The following MRC2 variants were observed in gnomAD, a reference collection of about 807,000 sequenced individuals.
The protein encoded by MRC2 is mannose receptor C-type 2, also known as C-type mannose receptor 2.
In MRC2, 84 loss-of-function variants were observed where a neutral mutation model predicts 206.2. The observed-to-expected ratio is 0.41, with a 90% CI of 0.34 to 0.49. The LOEUF is 0.49. Among genes scored for constraint, MRC2 ranks in the 20% least tolerant of loss-of-function variants. MRC2 has a pLI of 0.31. For synonymous variants in MRC2, 798 were observed against 800.0 expected, an observed-to-expected ratio of 1.00 and a Z score of 0.04; for missense variants, 1,676 against 2,001.5, an observed-to-expected ratio of 0.84 and a Z score of 3.10.
intron 1 of MRC2, among the ~76,000 whole-genome samples, chr17:62,657,782 C>G (rs2088635367): frequency 6.6e-6 from 1 of 152,198 alleles, no homozygotes; most frequent in Admixed American, 6.5e-5. Flanking sequence ...GACGCCTTTT[C>G]TCTTTCCCCA....
intron 1 of MRC2, among the ~76,000 whole-genome samples, chr17:62,659,152 TA>T (rs2088652038): frequency 6.6e-6 from 1 of 152,086 alleles, no homozygotes; most frequent in African/African-American, 2.4e-5. Flanking sequence ...TGTCTTTTAT[TA>T]GGACGCTCAT....
chr17:62,673,919 C>T (rs1036590304), intron 8 of MRC2, 144 bp from the exon 9 acceptor site: 1 of 670,848 alleles, frequency 1.5e-6, no homozygotes, highest in Non-Finnish European at 2.6e-6. Flanking sequence ...CCCGCCTTCC[C>T]CATTGCACAG....
rs1158358884 is a variant in MRC2, at chr17:62,666,814, GCGGAGGCTGGCAGTGGT to G, written c.922_938del (p.Gly308GlnfsTer12). On this transcript the variant is annotated frameshift_variant, in exon 5 of 30. Transcript: ENST00000303375. LOFTEE classifies it high-confidence loss of function. The surrounding 1 kb of genome is among the most constrained non-coding windows in gnomAD (Gnocchi z 5.0). ...ATCGGCTTGAATGACTTGGACACGA[GCGGAGGCTGGCAGTGGT>G]CGGACAACTCGCCCCTCAAGTACCT... 6.2e-7 allele frequency: 1 copy of G among 1,613,666 alleles called. No homozygotes were observed. Among genetic ancestry groups the G allele is most frequent in the Non-Finnish European group, 8.5e-7 (1 of 1,179,980 alleles).
At chr17:62,656,461 G>A (rs999392624) in intron 1 of MRC2, among the ~76,000 whole-genome samples, 1 of 152,176 alleles carries the variant, frequency 6.6e-6, no homozygotes, top group African/African-American at 2.4e-5. Context: ...CAAAGTGCAG[G>A]GATTACAGGC....
At chr17:62,676,289 G>A (rs2088890693) in intron 10 of MRC2, 94 bp from the exon 11 acceptor site, 4 of 1,506,000 alleles carry the variant, frequency 2.7e-6, no homozygotes, top group East Asian at 2.3e-5. Flanking sequence ...TTGGTCGGGT[G>A]CAGCACCCGA....
At chr17:62,656,015 G>A (rs537800616) in intron 1 of MRC2, among the ~76,000 whole-genome samples, 11 of 152,082 alleles carry the variant, frequency 7.2e-5, no homozygotes, top group South Asian at 6.2e-4. Context: ...TCAGACTCCC[G>A]AGTAGCTGGG....
At position 62,643,701 on chromosome 17, in the gene MRC2, C is replaced by T. The variant is rs181366657; in HGVS notation, c.118+15781C>T. Among the ~76,000 whole-genome samples, 39 of 152,266 alleles carry T rather than the reference C, an allele frequency of 2.6e-4. 1 individual carries two copies. Among genetic ancestry groups the T allele is most frequent in the Admixed American group, 2.0e-3 (30 of 15,298 alleles). ...TCACTAGCAAAACAATTTCACCTCT[C>T]GCAACAGTGCCAGGAAAGATTGATA... On this transcript the variant is annotated intron_variant, in intron 1 of 29. Transcript: ENST00000303375.
rs767743353 is a variant in MRC2 at position 62,664,921 on chromosome 17, G to C, written c.492G>C (p.Glu164Asp). The change falls in exon 2 of 30, where the codon GAG becomes GAC. Residue 164 changes from glutamate to aspartate, a missense_variant. Physicochemically the swap from Glu to Asp is conservative, Grantham distance 45. Transcript: ENST00000303375. This position sits in a 1 kb window ranked among gnomAD's most constrained non-coding sequence, Gnocchi z 4.7. ...GCCAGTGGCGCATCTACGGCAGCGA[G>C]GAGGACCTATGTGCTCTGCCCTACC... Reference protein sequence around the residue: ...RSGQWRIYGSEEDLCALPYHE... With the variant: ...RSGQWRIYGSDEDLCALPYHE... 2.5e-6 allele frequency: 4 copies of C among 1,611,196 alleles called. No homozygotes were observed. The highest frequency in any genetic ancestry group is 3.4e-6 in the Non-Finnish European group (4 of 1,179,724).
chr17:62,675,735 G>A lies in MRC2; in HGVS notation c.1570-55G>A, dbSNP rs2088883006. The A allele has an allele frequency of 1.5e-6, 2 of 1,360,500 alleles. No individual in the cohort carries two copies. Among genetic ancestry groups the A allele is most frequent in the East Asian group, 2.3e-5 (1 of 43,632 alleles). The allele number at this position is 1,360,500 out of a possible 1,614,324, so 84.3% of individuals were successfully genotyped here. On this transcript the variant is annotated intron_variant, in intron 9 of 29. Transcript: ENST00000303375. The surrounding 1 kb of genome is among the most constrained non-coding windows in gnomAD (Gnocchi z 4.1). ...CTCCCACCACAGGATTTATGGGTGA[G>A]GGTGGAGAGTCATCTTCCCTACAGA...
chr17:62,674,162 T>G lies in MRC2; in HGVS notation c.1561T>G (p.Cys521Gly). 6.5e-7 allele frequency: 1 copy of G among 1,547,988 alleles called. No homozygotes were observed. Among genetic ancestry groups the G allele is most frequent in the Non-Finnish European group, 8.7e-7 (1 of 1,145,506 alleles). The change falls in exon 9 of 30, where the codon TGC (cysteine) becomes GGC (glycine). Residue 521 changes from cysteine (C) to glycine (G), a missense_variant. Cys to Gly is a radical substitution (Grantham distance 159). Transcript: ENST00000303375. ...GGGGGCCGCCGAGGAGGACCATGGCTGCCGGAAGGTGAGGGTGTTTCTGGA... is the reference window on the plus strand; with the variant it reads ...GGGGGCCGCCGAGGAGGACCATGGCGGCCGGAAGGTGAGGGTGTTTCTGGA... ...SQGAAEEDHG[C>G]RKGWTWHSPS...
At chr17:62,668,968 C>T (rs148581328) in intron 6 of MRC2, among the ~76,000 whole-genome samples, 70 of 152,086 alleles carry the variant, frequency 4.6e-4, no homozygotes, top group Non-Finnish European at 8.1e-4. Flanking sequence ...TGGCCTGGCA[C>T]GAAGGAGTTT....
intron 1 of MRC2, among the ~76,000 whole-genome samples, chr17:62,634,361 C>T (rs1416281291): frequency 3.3e-5 from 5 of 151,750 alleles, no homozygotes; most frequent in Non-Finnish European, 5.9e-5. Context: ...AGTGCGATGG[C>T]GTGGTCTTGG....
At chr17:62,638,753 AAAAAG>A (rs1170188219) in intron 1 of MRC2, among the ~76,000 whole-genome samples, 13 of 147,068 alleles carry the variant, frequency 8.8e-5, no homozygotes, top group South Asian at 6.6e-4. Context: ...AAAAAAAAAA[AAAAAG>A]AAAGAAACAA....
rs372200915 is a variant in MRC2 at position 62,668,359 on chromosome 17, AAAAT to A, written c.1117+851_1117+854del. ...AGAGCGAGACGAGACCCTGCCTCAA[AAAAT>A]AAATAAATAAATAAATAAATAAATT... is the stretch of plus-strand genomic sequence containing the variant. On this transcript the variant is annotated intron_variant, in intron 6 of 29. Transcript: ENST00000303375. Among the ~76,000 whole-genome samples, 28 of 147,942 alleles carry A rather than the reference AAAAT, an allele frequency of 1.9e-4. 1 individual carries two copies. In the South Asian group the frequency reaches 4.3e-3, roughly 23 times the overall value.
rs1243401259 is a variant in MRC2 at position 62,690,994 on chromosome 17, A to G, written c.4058A>G (p.Asn1353Ser). 1 of 1,608,924 alleles carries G rather than the reference A, an allele frequency of 6.2e-7. No individual in the cohort carries two copies. The highest frequency in any genetic ancestry group is 8.5e-7 in the Non-Finnish European group (1 of 1,178,450). Reference protein sequence around the residue: ...WQDNTAVNYSNWGPPGLGPSM... With the variant: ...WQDNTAVNYSSWGPPGLGPSM... ...GACAACACAGCTGTGAACTACTCCA[A>G]CTGGGGGCCCCCGGGCTTGGGCCCC... Residue 1353 changes from asparagine to serine, a missense_variant, in exon 28 of 30, where the codon AAC becomes AGC. Coordinates refer to ENST00000303375, the MANE Select transcript of MRC2 (RefSeq NM_006039.5).
chr17:62,645,525 ATATTTTTTTTTTTTT>A (rs1459297078), intron 1 of MRC2, among the ~76,000 whole-genome samples: 2 of 38,568 alleles, frequency 5.2e-5, no homozygotes, highest in African/African-American at 9.2e-5. Flanking sequence ...ATATATATAT[ATATTTTTTTTTTTTT>A]TTTTTTTTTT....
At position 62,671,884 on chromosome 17, in the gene MRC2, C is replaced by A; in HGVS notation, c.1306+47C>A. The A allele has an allele frequency of 6.3e-7, 1 of 1,586,702 alleles. No individual in the cohort carries two copies. Among genetic ancestry groups the A allele is most frequent in the Non-Finnish European group, 8.6e-7 (1 of 1,162,750 alleles). ...TGTCTGGGTGGAGGGCAGGGCCTCC[C>A]ACTGCCCCACCCATCCTGTCCAGGA... On this transcript the variant is annotated intron_variant, in intron 7 of 29. Coordinates refer to ENST00000303375, the MANE Select transcript of MRC2 (RefSeq NM_006039.5). The surrounding 1 kb of genome is among the most constrained non-coding windows in gnomAD (Gnocchi z 4.5).
chr17:62,690,799 C>G (rs751290492), intron 27 of MRC2, 38 bp downstream of exon 27: 1 of 1,559,644 alleles, frequency 6.4e-7, no homozygotes, highest in South Asian at 1.2e-5. Context: ...GGTCAAGCCT[C>G]AGGCTGTAAG....
In MRC2 at chr17:62,635,619, C is replaced by T. The variant is rs554957768; in HGVS notation, c.118+7699C>T. On this transcript the variant is annotated intron_variant, in intron 1 of 29. Coordinates refer to ENST00000303375, the MANE Select transcript of MRC2 (RefSeq NM_006039.5). ...CTAAATTAAGTGACCTTTCTTAGGCCTCACCTTGCAGCATGCATGCTGTTC... is the reference window on the plus strand; with the variant it reads ...CTAAATTAAGTGACCTTTCTTAGGCTTCACCTTGCAGCATGCATGCTGTTC... Among the ~76,000 whole-genome samples the T allele has an allele frequency of 9.2e-5, 14 of 152,210 alleles. No individual in the cohort carries two copies. The South Asian group carries it at 2.9e-3, about 32-fold the overall frequency.
Sources: gnomAD v4.1 joint callset for allele counts (sites outside exome capture counted in the v4.1 genomes callset) on GRCh38, gnomAD v4.1.1 for gene constraint, Gnocchi (gnomAD v3.1) non-coding constraint, MANE v1.5 for transcripts, NCBI Gene and HGNC (gene_info 2026-07-23, HGNC 2026-07-21) for gene names.